Variants in EFNA5 observed in about 807,000 individuals in gnomAD.
EFNA5 encodes the protein ephrin A5.
Under a neutral mutation model 22.9 loss-of-function variants are expected in EFNA5, and 5 were observed. The ratio of observed to expected loss-of-function variants is 0.22; its 90% CI spans 0.11 to 0.46. The LOEUF (loss-of-function observed/expected upper bound fraction) is 0.46. EFNA5 is among the 20% of genes least tolerant of loss of function. The probability of loss-of-function intolerance (pLI) is 0.99; values close to 1 mark genes in which losing one functional copy is unlikely to be tolerated. For synonymous variants in EFNA5, 113 were observed against 112.2 expected (o/e 1.01, Z -0.04); for missense variants, 237 against 293.3 (o/e 0.81, Z 1.40).
At chr5:107,617,207 CAT>C (rs1179109317) in intron 1 of EFNA5, among the ~76,000 whole-genome samples, 1 of 131,866 alleles carries the variant, frequency 7.6e-6, no homozygotes, top group Non-Finnish European at 1.5e-5. Flanking sequence ...TACATGTGCA[CAT>C]ACACACACAC....
chr5:107,511,613 T>C (rs1046745203), intron 1 of EFNA5, among the ~76,000 whole-genome samples: 1 of 152,206 alleles, frequency 6.6e-6, no homozygotes, highest in Non-Finnish European at 1.5e-5. Context: ...AAGTGTTACA[T>C]TCCAACCTGA....
At chr5:107,448,145 AT>A (rs1749445234) in intron 1 of EFNA5, among the ~76,000 whole-genome samples, 2 of 152,196 alleles carry the variant, frequency 1.3e-5, no homozygotes, top group Non-Finnish European at 2.9e-5. Flanking sequence ...TTGGATTTGT[AT>A]GTTAAAGTGA....
intron 1 of EFNA5, among the ~76,000 whole-genome samples, chr5:107,601,308 T>C (rs1015598376): frequency 6.6e-6 from 1 of 152,222 alleles, no homozygotes; most frequent in Admixed American, 6.5e-5. Context: ...CTGGCAGGGC[T>C]GACAGTGGGG....
intron 1 of EFNA5, among the ~76,000 whole-genome samples, chr5:107,651,938 C>T (rs1044707729): frequency 3.3e-5 from 5 of 152,086 alleles, no homozygotes; most frequent in East Asian, 3.9e-4. Flanking sequence ...CCCTGTTAAT[C>T]CATCTGTTAC....
chr5:107,562,390 G>GTCAT (rs1561433790), intron 1 of EFNA5, among the ~76,000 whole-genome samples: 1 of 151,734 alleles, frequency 6.6e-6, no homozygotes, highest in African/African-American at 2.4e-5. Flanking sequence ...AGCAGATAGC[G>GTCAT]TCATTTTTAA....
At chr5:107,607,359 C>A (rs1323959646) in intron 1 of EFNA5, among the ~76,000 whole-genome samples, 1 of 152,188 alleles carries the variant, frequency 6.6e-6, no homozygotes, top group Non-Finnish European at 1.5e-5. Context: ...CTAGAGAGGG[C>A]ACTGCACACA....
intron 2 of EFNA5, among the ~76,000 whole-genome samples, chr5:107,393,642 T>C (rs1047925053): frequency 2.6e-5 from 4 of 152,202 alleles, no homozygotes; most frequent in Non-Finnish European, 5.9e-5. Flanking sequence ...ATTTCTCAAT[T>C]CGTGCAAGTC....
chr5:107,547,440 C>T (rs1301867611), intron 1 of EFNA5, among the ~76,000 whole-genome samples: 1 of 151,908 alleles, frequency 6.6e-6, no homozygotes, highest in Non-Finnish European at 1.5e-5. Flanking sequence ...ACATAGTATC[C>T]TCCAAGCTTT....
At chr5:107,426,299 T>C (rs73194990) in intron 2 of EFNA5, among the ~76,000 whole-genome samples, 2,653 of 152,266 alleles carry the variant, frequency 0.017, 75 homozygotes, top group African/African-American at 0.06. Flanking sequence ...AAAGTCCAGA[T>C]ACACAACAAG....
At chr5:107,528,033 G>C (rs966797812) in intron 1 of EFNA5, among the ~76,000 whole-genome samples, 1 of 152,164 alleles carries the variant, frequency 6.6e-6, no homozygotes, top group Non-Finnish European at 1.5e-5. Context: ...AGATGGACAG[G>C]AAGAAACAGT....
intron 1 of EFNA5, among the ~76,000 whole-genome samples, chr5:107,467,734 C>T (rs572825801): frequency 2.0e-5 from 3 of 152,200 alleles, no homozygotes; most frequent in African/African-American, 7.2e-5. Flanking sequence ...AAAGCCAGCT[C>T]TGAGTGCTAA....
chr5:107,592,062 TTTA>T (rs1325703858), intron 1 of EFNA5, among the ~76,000 whole-genome samples: 2 of 82,878 alleles, frequency 2.4e-5, no homozygotes, highest in African/African-American at 1.2e-4. Flanking sequence ...TAAACATATA[TTTA>T]TAATAATAAT....
At chr5:107,448,745 G>T (rs545467022) in intron 1 of EFNA5, among the ~76,000 whole-genome samples, 16 of 151,704 alleles carry the variant, frequency 1.1e-4, no homozygotes, top group Middle Eastern at 3.2e-3. Flanking sequence ...CAGGAGAATT[G>T]CTTGAACCCG....
chr5:107,608,615 C>T (rs1749767019), intron 1 of EFNA5, among the ~76,000 whole-genome samples: 1 of 152,186 alleles, frequency 6.6e-6, no homozygotes, highest in African/African-American at 2.4e-5. Flanking sequence ...AAGAGAGGTG[C>T]CCCTTAAAGC....
At chr5:107,584,219 TG>T (rs1749129976) in intron 1 of EFNA5, among the ~76,000 whole-genome samples, 1 of 152,182 alleles carries the variant, frequency 6.6e-6, no homozygotes, top group South Asian at 2.1e-4. Context: ...ATCGATGAGT[TG>T]GGCAATAAAC....
chr5:107,666,317 A>AG (rs201590903), intron 1 of EFNA5, among the ~76,000 whole-genome samples: 3 of 152,024 alleles, frequency 2.0e-5, no homozygotes, highest in African/African-American at 4.8e-5. Context: ...GAATATGATT[A>AG]GGAAAAAAAA....
intron 4 of EFNA5, among the ~76,000 whole-genome samples, chr5:107,386,836 T>C (rs1747637874): frequency 6.6e-6 from 1 of 152,230 alleles, no homozygotes; most frequent in Admixed American, 6.5e-5. Flanking sequence ...ATCTACAGAT[T>C]TGGACATAAA....
intron 1 of EFNA5, among the ~76,000 whole-genome samples, chr5:107,643,686 T>G (rs1750571367): frequency 1.4e-5 from 2 of 143,452 alleles, no homozygotes; most frequent in African/African-American, 2.6e-5. Context: ...AGAGGGGGAG[T>G]GAATGGGGGA....
chr5:107,434,042 A>G (rs956509637), intron 1 of EFNA5, among the ~76,000 whole-genome samples: 1 of 152,202 alleles, frequency 6.6e-6, no homozygotes, highest in Admixed American at 6.5e-5. Flanking sequence ...AGATCTCACC[A>G]GTGTGCCCTC....
Sources: gnomAD v4.1 joint callset for allele counts (sites outside exome capture counted in the v4.1 genomes callset) on GRCh38, gnomAD v4.1.1 for gene constraint, MANE v1.5 for transcripts, NCBI Gene and HGNC (gene_info 2026-07-23, HGNC 2026-07-21) for gene names.